Variants in CRTAC1 observed in about 807,000 individuals in gnomAD.
CRTAC1 encodes the protein cartilage acidic protein 1.
In CRTAC1, 37 loss-of-function variants were observed where a neutral mutation model predicts 67.8. The ratio of observed to expected loss-of-function variants is 0.55; its 90% confidence interval spans 0.42 to 0.72. CRTAC1 has a LOEUF of 0.72. CRTAC1 is among the 30% of genes least tolerant of loss of function. The probability of loss-of-function intolerance (pLI) is 0.00; values close to 1 mark genes in which losing one functional copy is unlikely to be tolerated. For synonymous variants in CRTAC1, 348 were observed against 371.0 expected (o/e 0.94, Z 0.71); for missense variants, 780 against 931.6 (o/e 0.84, Z 2.12).
rs536757735 is a variant in CRTAC1, at chr10:98,019,265, C to T, written c.25-7928G>A. 4.6e-5 allele frequency among the ~76,000 whole-genome samples: 7 copies of T among 152,318 alleles called. No homozygotes were observed. In the East Asian group the frequency reaches 9.6e-4, roughly 21 times the overall value. ...GTCCTTCCCTATCTACAGACCCCGC[C>T]GCCTGGCTTATAAGCTAGGAGGCAG... On this transcript the variant is annotated intron_variant, in intron 1 of 14. Coordinates refer to ENST00000370597, the MANE Select transcript of CRTAC1 (RefSeq NM_018058.7).
intron 2 of CRTAC1, among the ~76,000 whole-genome samples, chr10:98,010,041 C>CTT (rs568415966): frequency 6.5e-5 from 9 of 137,664 alleles, no homozygotes; most frequent in East Asian, 4.2e-4. Flanking sequence ...AATGCACAAT[C>CTT]TTTTTTTTTT....
chr10:97,961,314 T>G (rs2051521975), intron 2 of CRTAC1, among the ~76,000 whole-genome samples: 1 of 152,210 alleles, frequency 6.6e-6, no homozygotes. Flanking sequence ...TTTTCTCATC[T>G]TTTGTTACTT....
At chr10:97,887,945 C>T (rs571901555) in intron 11 of CRTAC1, among the ~76,000 whole-genome samples, 4 of 152,388 alleles carry the variant, frequency 2.6e-5, no homozygotes, top group East Asian at 3.9e-4. Flanking sequence ...ATGATGCTAA[C>T]GCATCGAAAC....
chr10:97,984,306 A>G (rs1485565835), intron 2 of CRTAC1, among the ~76,000 whole-genome samples: 1 of 152,196 alleles, frequency 6.6e-6, no homozygotes, highest in Admixed American at 6.5e-5. Context: ...CATCCATCCA[A>G]ATGAGTGTCC....
chr10:97,937,783 C>G (rs2051112523), intron 2 of CRTAC1, among the ~76,000 whole-genome samples: 1 of 152,142 alleles, frequency 6.6e-6, no homozygotes, highest in Admixed American at 6.5e-5. Context: ...CCACTGGGAG[C>G]ACCAGCTTGC....
chr10:97,934,974 A>AGCGGCGGGC (rs1564901680), intron 3 of CRTAC1, among the ~76,000 whole-genome samples: 1 of 88,350 alleles, frequency 1.1e-5, no homozygotes, highest in African/African-American at 4.6e-5. Flanking sequence ...GGTGGGGGGG[A>AGCGGCGGGC]GCGGCGGGCG....
chr10:97,942,857 A>G (rs911621284), intron 2 of CRTAC1, among the ~76,000 whole-genome samples: 6 of 152,012 alleles, frequency 3.9e-5, no homozygotes, highest in African/African-American at 1.4e-4. Context: ...CCTTGAGCCC[A>G]GGTGGTTGAG....
At chr10:97,953,873 G>A (rs1468506260) in intron 2 of CRTAC1, among the ~76,000 whole-genome samples, 1 of 152,182 alleles carries the variant, frequency 6.6e-6, no homozygotes, top group Non-Finnish European at 1.5e-5. Flanking sequence ...GGCAAAGCTT[G>A]CTCTAAATTA....
At chr10:97,926,782 C>T (rs896313754) in intron 3 of CRTAC1, among the ~76,000 whole-genome samples, 1 of 152,164 alleles carries the variant, frequency 6.6e-6, no homozygotes, top group African/African-American at 2.4e-5. Flanking sequence ...TCAGGGCTCT[C>T]GAGAAGGGAC....
At chr10:97,978,648 CTT>C (rs1304647378) in intron 2 of CRTAC1, among the ~76,000 whole-genome samples, 2 of 152,174 alleles carry the variant, frequency 1.3e-5, no homozygotes, top group Non-Finnish European at 2.9e-5. Context: ...CATAGGGACT[CTT>C]CTCCCAGGTC....
In CRTAC1 at chr10:98,016,142, A is replaced by G. The variant is rs76604180; in HGVS notation, c.25-4805T>C. Among the ~76,000 whole-genome samples the G allele has an allele frequency of 4.0e-3, 611 of 152,266 alleles. 4 individuals carry two copies. The highest frequency in any genetic ancestry group is 9.8e-3 in the African/African-American group (406 of 41,548). On this transcript the variant is annotated intron_variant, in intron 1 of 14. Coordinates refer to ENST00000370597, the MANE Select transcript of CRTAC1 (RefSeq NM_018058.7). Reference sequence around the variant, plus strand: ...TTTTATGAAGAGGTGAGAAGGGGAAAGGGTTGATGCTGCAGAGAGGGTCAG... The same window carrying G: ...TTTTATGAAGAGGTGAGAAGGGGAAGGGGTTGATGCTGCAGAGAGGGTCAG...
intron 7 of CRTAC1, 44 bp downstream of exon 7, chr10:97,904,625 T>C: frequency 6.8e-7 from 1 of 1,471,066 alleles, no homozygotes; most frequent in Non-Finnish European, 9.0e-7. Context: ...TTTGCCATGT[T>C]GGACAGGCTG....
At chr10:97,894,423 C>T (rs1042651161) in intron 11 of CRTAC1, among the ~76,000 whole-genome samples, 3 of 151,636 alleles carry the variant, frequency 2.0e-5, no homozygotes, top group African/African-American at 7.3e-5. Context: ...GACAGAGTCT[C>T]ACTCACTCCA....
At chr10:97,947,662 G>A (rs749426500) in intron 2 of CRTAC1, among the ~76,000 whole-genome samples, 5 of 152,200 alleles carry the variant, frequency 3.3e-5, no homozygotes, top group East Asian at 1.9e-4. Flanking sequence ...ACAGATTGTC[G>A]GTAAAGGATG....
At chr10:97,993,636 A>G (rs1476609193) in intron 2 of CRTAC1, among the ~76,000 whole-genome samples, 3 of 152,188 alleles carry the variant, frequency 2.0e-5, no homozygotes, top group Non-Finnish European at 4.4e-5. Context: ...CCTTAAATCA[A>G]TCACTCTGAG....
intron 2 of CRTAC1, among the ~76,000 whole-genome samples, chr10:97,980,804 T>A (rs2051880913): frequency 6.6e-6 from 1 of 152,182 alleles, no homozygotes; most frequent in African/African-American, 2.4e-5. Context: ...AACATAGATT[T>A]AAGTGCCACA....
chr10:97,951,104 C>T (rs775194955), intron 2 of CRTAC1, among the ~76,000 whole-genome samples: 5 of 152,192 alleles, frequency 3.3e-5, no homozygotes, highest in South Asian at 2.1e-4. Context: ...AAATGGGCCA[C>T]GTGGTGTTGG....
chr10:97,884,063 G>T, intron 12 of CRTAC1, 143 bp downstream of exon 12: 1 of 835,826 alleles, frequency 1.2e-6, no homozygotes, highest in Non-Finnish European at 1.8e-6. Flanking sequence ...CAAATGGAGG[G>T]ATCAGTATGA....
chr10:97,931,932 G>A (rs535611619), intron 3 of CRTAC1, among the ~76,000 whole-genome samples: 4 of 152,144 alleles, frequency 2.6e-5, no homozygotes, highest in Admixed American at 6.5e-5. Flanking sequence ...CCTGCGTCCT[G>A]CACACTCTCC....
Sources: gnomAD v4.1 joint callset for allele counts (sites outside exome capture counted in the v4.1 genomes callset) on GRCh38, gnomAD v4.1.1 for gene constraint, MANE v1.5 for transcripts, NCBI Gene and HGNC (gene_info 2026-07-23, HGNC 2026-07-21) for gene names.